The following LRFN2 variants were observed in gnomAD, a reference collection of about 807,000 sequenced individuals.
LRFN2 encodes leucine rich repeat and fibronectin type III domain containing 2, also known as leucine-rich repeat and fibronectin type-III domain-containing protein 2.
In LRFN2, 18 loss-of-function variants were observed where a neutral mutation model predicts 37.3. The ratio of observed to expected loss-of-function variants is 0.48; its 90% CI spans 0.33 to 0.72. The LOEUF is 0.72. LRFN2 is among the 30% of genes least tolerant of loss of function. The pLI, the probability that LRFN2 is intolerant of heterozygous loss-of-function variation, is 0.02. For missense variants in LRFN2, 1,006 were observed against 1,060.7 expected (o/e 0.95, Z 0.72); for synonymous variants, 556 against 466.6 (o/e 1.19, Z -2.47).
intron 1 of LRFN2, among the ~76,000 whole-genome samples, chr6:40,496,508 G>A (rs1765231680): frequency 6.6e-6 from 1 of 151,966 alleles, no homozygotes; most frequent in South Asian, 2.1e-4. Flanking sequence ...CCTGGACTCA[G>A]CTCATTCCAG....
rs182215936 is a variant in LRFN2 at position 40,437,244 on chromosome 6, C to T, written c.-18-4113G>A. 2.0e-3 allele frequency among the ~76,000 whole-genome samples: 310 copies of T among 152,302 alleles called. 1 individual carries two copies. Among genetic ancestry groups the T allele is most frequent in the Middle Eastern group, 0.01 (3 of 294 alleles). On this transcript the variant is annotated intron_variant, in intron 1 of 2. Transcript: ENST00000338305. ...CCAGATCCTCTCTCCACCCTCTCCC[C>T]GCCAGCTCTGCATTCTGGGAGGCTG...
At chr6:40,477,568 A>G (rs1008675753) in intron 1 of LRFN2, among the ~76,000 whole-genome samples, 9 of 152,232 alleles carry the variant, frequency 5.9e-5, no homozygotes, top group African/African-American at 2.2e-4. Context: ...AGGCTCCAGA[A>G]TGGCGCTGAG....
chr6:40,484,913 AAG>A (rs532421577), intron 1 of LRFN2, among the ~76,000 whole-genome samples: 46 of 152,220 alleles, frequency 3.0e-4, no homozygotes, highest in Non-Finnish European at 4.1e-4. Flanking sequence ...GATGGGGTTC[AAG>A]AGAGATCAGA....
chr6:40,435,475 T>C (rs1581703704), intron 1 of LRFN2, among the ~76,000 whole-genome samples: 1 of 152,140 alleles, frequency 6.6e-6, no homozygotes. Flanking sequence ...CTTGTGGAAG[T>C]AGAGCTCTAT....
At chr6:40,569,590 T>C (rs998966113) in intron 1 of LRFN2, among the ~76,000 whole-genome samples, 5 of 152,122 alleles carry the variant, frequency 3.3e-5, no homozygotes, top group Non-Finnish European at 5.9e-5. Context: ...CTGCCCAGAT[T>C]TCACTGTTCA....
intron 1 of LRFN2, among the ~76,000 whole-genome samples, chr6:40,550,345 T>A (rs1328469076): frequency 6.6e-6 from 1 of 151,674 alleles, no homozygotes; most frequent in African/African-American, 2.4e-5. Flanking sequence ...CTGGGAAGTG[T>A]ACGGACTGGT....
intron 1 of LRFN2, among the ~76,000 whole-genome samples, chr6:40,512,205 G>C (rs551941668): frequency 9.8e-5 from 15 of 152,292 alleles, no homozygotes; most frequent in African/African-American, 3.4e-4. Context: ...GATCATCTCT[G>C]TTCTTTCCTG....
chr6:40,477,227 G>A (rs1232889028), intron 1 of LRFN2, among the ~76,000 whole-genome samples: 1 of 152,208 alleles, frequency 6.6e-6, no homozygotes, highest in African/African-American at 2.4e-5. Context: ...AGTAACTCAT[G>A]TTGGTGGTGG....
chr6:40,394,931 G>T (rs1306856809), intron 2 of LRFN2, among the ~76,000 whole-genome samples: 1 of 149,640 alleles, frequency 6.7e-6, no homozygotes, highest in South Asian at 2.1e-4. Flanking sequence ...GGAACTGTGA[G>T]TCCATTTAAA....
chr6:40,586,622 T>G (rs569208815), intron 1 of LRFN2, among the ~76,000 whole-genome samples: 1 of 152,208 alleles, frequency 6.6e-6, no homozygotes, highest in African/African-American at 2.4e-5. Flanking sequence ...CCTGCTGTTT[T>G]CAACGGTTCC....
At chr6:40,498,114 C>T (rs1484186641) in intron 1 of LRFN2, among the ~76,000 whole-genome samples, 5 of 152,152 alleles carry the variant, frequency 3.3e-5, no homozygotes, top group Admixed American at 2.0e-4. Flanking sequence ...TCTACAACAG[C>T]GCGCCTATAG....
At chr6:40,450,055 G>A (rs1029780263) in intron 1 of LRFN2, among the ~76,000 whole-genome samples, 6 of 152,152 alleles carry the variant, frequency 3.9e-5, no homozygotes, top group African/African-American at 1.4e-4. Context: ...CACAGACGCA[G>A]GGAACTAGAA....
intron 1 of LRFN2, among the ~76,000 whole-genome samples, chr6:40,443,607 T>C (rs3004075): frequency 0.97 from 147,524 of 152,262 alleles, 71,586 homozygotes; most frequent in Non-Finnish European, 1. Context: ...AGAGTCTCCC[T>C]GCCTGCACCT....
chr6:40,449,583 GT>G (rs1212335987), intron 1 of LRFN2, among the ~76,000 whole-genome samples: 6 of 152,200 alleles, frequency 3.9e-5, no homozygotes, highest in African/African-American at 1.2e-4. Flanking sequence ...CCATAAGGTG[GT>G]GGCCAGGTTT....
At chr6:40,431,101 T>G (rs1371218405) in intron 2 of LRFN2, among the ~76,000 whole-genome samples, 2 of 151,842 alleles carry the variant, frequency 1.3e-5, no homozygotes, top group Non-Finnish European at 2.9e-5. Context: ...CCTTTCTCTC[T>G]CTCTTTTTTT....
chr6:40,430,826 T>A (rs955359400), intron 2 of LRFN2, among the ~76,000 whole-genome samples: 1 of 152,168 alleles, frequency 6.6e-6, no homozygotes, highest in Non-Finnish European at 1.5e-5. Context: ...GCTCACATGA[T>A]GTGGTCTGAC....
chr6:40,392,538 G>A lies in LRFN2; in HGVS notation c.1775C>T (p.Ala592Val). The part of the protein sequence containing the change: ...AQPPPPSSAP[A>V]GAPPQGPPKV... ...CGGCGGGCCCTGCGGCGGGGCCCCG[G>A]CTGGTGCGCTGCTTGGAGGCGGTGG... Residue 592 changes from alanine (A) to valine (V), a missense_variant, in exon 3 of 3, where the codon GCC (alanine) becomes GTC (valine). By Grantham distance (64) the Ala-to-Val change is moderately conservative. Transcript: ENST00000338305. This position sits in a 1 kb window ranked among gnomAD's most constrained non-coding sequence, Gnocchi z 4.7. 2.5e-6 allele frequency: 4 copies of A among 1,576,166 alleles called. No individual in the cohort carries two copies. The highest frequency in any genetic ancestry group is 3.4e-6 in the Non-Finnish European group (4 of 1,164,398).
intron 1 of LRFN2, among the ~76,000 whole-genome samples, chr6:40,477,906 A>G (rs2113861452): frequency 6.6e-6 from 1 of 152,318 alleles, no homozygotes; most frequent in East Asian, 1.9e-4. Flanking sequence ...TTATCAGACA[A>G]TGCCACAAGA....
intron 1 of LRFN2, among the ~76,000 whole-genome samples, chr6:40,514,872 GTA>G (rs1166176954): frequency 1.3e-5 from 2 of 152,158 alleles, no homozygotes; most frequent in Non-Finnish European, 2.9e-5. Flanking sequence ...ATTTCTTAAA[GTA>G]TATCTCTTTT....
Sources: allele counts gnomAD v4.1 joint callset (sites outside exome capture counted in the v4.1 genomes callset), GRCh38; gene constraint gnomAD v4.1.1; non-coding constraint Gnocchi (gnomAD v3.1); transcripts MANE v1.5; gene names NCBI Gene and HGNC (gene_info 2026-07-23, HGNC 2026-07-21).